The following RIMS2 variants were observed in gnomAD, a reference collection of about 807,000 sequenced individuals.
The protein encoded by RIMS2 is regulating synaptic membrane exocytosis protein 2.
A neutral mutation model predicts 174.4 loss-of-function variants in RIMS2; 59 were observed. The ratio of observed to expected loss-of-function variants is 0.34; its 90% CI spans 0.27 to 0.42. RIMS2 has a LOEUF of 0.42. RIMS2 is among the 10% of genes least tolerant of loss of function. The pLI is 1.00. For missense variants in RIMS2, 1,620 were observed against 1,666.3 expected (o/e 0.97, Z 0.48); for synonymous variants, 606 against 572.5 (o/e 1.06, Z -0.84).
intron 1 of RIMS2, among the ~76,000 whole-genome samples, chr8:103,610,875 C>T (rs925725290): frequency 2.0e-5 from 3 of 152,140 alleles, no homozygotes; most frequent in East Asian, 3.9e-4. Context: ...TCACAATTTT[C>T]GGGAATAGTT....
intron 19 of RIMS2, among the ~76,000 whole-genome samples, chr8:104,016,974 T>G (rs77748558): frequency 6.8e-4 from 104 of 152,166 alleles, no homozygotes; most frequent in African/African-American, 2.4e-3. Context: ...CCATTTTTTT[T>G]ATTTCATAAA....
At chr8:103,733,449 A>AAGTTCACTGACTTCAAGCCC (rs2097638602) in intron 2 of RIMS2, among the ~76,000 whole-genome samples, 1 of 152,010 alleles carries the variant, frequency 6.6e-6, no homozygotes, top group Non-Finnish European at 1.5e-5. Flanking sequence ...GCATGTTCCC[A>AAGTTCACTGACTTCAAGCCC]AGTTCACTGA....
intron 16 of RIMS2, among the ~76,000 whole-genome samples, chr8:103,984,227 A>T (rs2094170512): frequency 6.6e-6 from 1 of 152,148 alleles, no homozygotes; most frequent in South Asian, 2.1e-4. Flanking sequence ...CAAGTTAAAA[A>T]GCTTCTGCAC....
rs543621028 is a variant in RIMS2, at chr8:104,145,580, C to T, written c.3335-99336C>T. Among the ~76,000 whole-genome samples, 4 of 151,748 alleles carry T rather than the reference C, an allele frequency of 2.6e-5. No individual in the cohort carries two copies. In the South Asian group the frequency reaches 8.3e-4, roughly 32 times the overall value. On this transcript the variant is annotated intron_variant, in intron 19 of 23. Coordinates refer to ENST00000504942, the Ensembl canonical transcript of RIMS2. Reference sequence around the variant, plus strand: ...GTGGCTCACACCTGTAATCCCAGCTCTTTGGGAGACCAAGGCGGGAGCATC... The same window carrying T: ...GTGGCTCACACCTGTAATCCCAGCTTTTTGGGAGACCAAGGCGGGAGCATC...
chr8:103,595,954 TTC>T (rs376980011), intron 1 of RIMS2, among the ~76,000 whole-genome samples: 1 of 152,068 alleles, frequency 6.6e-6, no homozygotes, highest in Non-Finnish European at 1.5e-5. Context: ...CTTTCAATAT[TTC>T]TCTCTCTTAC....
At chr8:104,039,964 A>C (rs764356244) in intron 19 of RIMS2, among the ~76,000 whole-genome samples, 1 of 151,650 alleles carries the variant, frequency 6.6e-6, no homozygotes, top group Non-Finnish European at 1.5e-5. Context: ...TATAATAATA[A>C]AAATGATATT....
chr8:103,712,304 GC>G (rs1174152783), intron 2 of RIMS2, among the ~76,000 whole-genome samples: 3 of 151,570 alleles, frequency 2.0e-5, no homozygotes, highest in African/African-American at 7.3e-5. Flanking sequence ...GAGCCACCAT[GC>G]CTGGCTTAAA....
chr8:104,253,419 T>C (rs530198478), downstream of RIMS2: 2 of 152,330 alleles, frequency 1.3e-5, no homozygotes, highest in East Asian at 3.9e-4. Context: ...TTTCACAAAT[T>C]ATATTTCTAA....
chr8:103,627,588 G>A (rs1339453719), intron 1 of RIMS2, among the ~76,000 whole-genome samples: 1 of 152,160 alleles, frequency 6.6e-6, no homozygotes, highest in Admixed American at 6.5e-5. Flanking sequence ...GTATTAATTT[G>A]GGGAACTGAT....
intron 19 of RIMS2, among the ~76,000 whole-genome samples, chr8:104,087,750 C>T (rs971844210): frequency 2.0e-5 from 3 of 152,058 alleles, no homozygotes; most frequent in African/African-American, 4.8e-5. Context: ...AATTACTATA[C>T]CAAACTGAAG....
Position 103,933,251 on chromosome 8 carries a change from C to A in RIMS2, c.2375+1858C>A, listed in dbSNP as rs186929563. Among the ~76,000 whole-genome samples the A allele has an allele frequency of 3.2e-3, 472 of 145,532 alleles. 2 individuals carry two copies. The highest frequency in any genetic ancestry group is 5.4e-3 in the Non-Finnish European group (365 of 67,066). ...GACGTTGCAGTGAGCCGAGATCGCA[C>A]CACTGCACTCCAGCCTGGGCAACAG... On this transcript the variant is annotated intron_variant, in intron 12 of 23. Coordinates refer to ENST00000504942, the Ensembl canonical transcript of RIMS2.
At chr8:103,585,821 A>G (rs2093886206) in intron 1 of RIMS2, among the ~76,000 whole-genome samples, 1 of 151,988 alleles carries the variant, frequency 6.6e-6, no homozygotes, top group African/African-American at 2.4e-5. Flanking sequence ...GGTGCAGCAT[A>G]CCACCATGAC....
chr8:104,174,961 C>T (rs1339999240), intron 19 of RIMS2, among the ~76,000 whole-genome samples: 6 of 152,156 alleles, frequency 3.9e-5, no homozygotes, highest in African/African-American at 7.2e-5. Flanking sequence ...GTACTCTCTA[C>T]AAGTATTTGA....
intron 1 of RIMS2, among the ~76,000 whole-genome samples, chr8:103,680,963 C>T (rs112983304): frequency 0.012 from 1,769 of 151,688 alleles, 50 homozygotes; most frequent in African/African-American, 0.041. Flanking sequence ...CATATTTCTG[C>T]GTAAATGCCC....
chr8:103,636,729 C>T (rs1273833690), intron 1 of RIMS2, among the ~76,000 whole-genome samples: 2 of 151,306 alleles, frequency 1.3e-5, no homozygotes, highest in Non-Finnish European at 2.9e-5. Flanking sequence ...TGCGTACTAG[C>T]TGCTTCTAGT....
At chr8:104,156,573 T>C (rs1161022930) in intron 19 of RIMS2, among the ~76,000 whole-genome samples, 2 of 152,254 alleles carry the variant, frequency 1.3e-5, no homozygotes, top group African/African-American at 4.8e-5. Flanking sequence ...AAAATAACTA[T>C]TTGCAAATAT....
chr8:103,774,418 A>G (rs2098289294), intron 3 of RIMS2, among the ~76,000 whole-genome samples: 1 of 152,184 alleles, frequency 6.6e-6, no homozygotes, highest in South Asian at 2.1e-4. Flanking sequence ...CAAAATGGAA[A>G]CTTCCCATAT....
chr8:103,530,676 T>G (rs1836614399), intron 1 of RIMS2, among the ~76,000 whole-genome samples: 1 of 152,086 alleles, frequency 6.6e-6, no homozygotes, highest in South Asian at 2.1e-4. Context: ...GGAAGGACAT[T>G]TTAAGTTTTA....
At position 103,646,976 on chromosome 8, in the gene RIMS2, T is replaced by C. The variant is rs1039492209; in HGVS notation, c.177-50110T>C. ...TATGATACTGGCTATGGCTTTTTCATGTATGGCTCTTATTATTTTGAGGTA... is the reference window on the plus strand; with the variant it reads ...TATGATACTGGCTATGGCTTTTTCACGTATGGCTCTTATTATTTTGAGGTA... On this transcript the variant is annotated intron_variant, in intron 1 of 23. Coordinates refer to ENST00000504942, the Ensembl canonical transcript of RIMS2. 2.0e-5 allele frequency among the ~76,000 whole-genome samples: 3 copies of C among 152,188 alleles called. No individual in the cohort carries two copies. The East Asian group carries it at 5.8e-4, about 29-fold the overall frequency.
Sources: allele counts gnomAD v4.1 joint callset (sites outside exome capture counted in the v4.1 genomes callset), GRCh38; gene constraint gnomAD v4.1.1; transcripts MANE v1.5; gene names NCBI Gene and HGNC (gene_info 2026-07-23, HGNC 2026-07-21).